GRM7: variants seen among roughly 807,000 people sequenced by gnomAD.
The protein encoded by GRM7 is glutamate metabotropic receptor 7.
Under a neutral mutation model 84.5 loss-of-function variants are expected in GRM7, and 35 were observed. The ratio of observed to expected loss-of-function variants is 0.41; its 90% CI spans 0.32 to 0.55. The LOEUF is 0.55. Among genes scored for constraint, GRM7 ranks in the 20% least tolerant of loss-of-function variants. The pLI is 0.19. For missense variants in GRM7, 1,003 were observed against 1,194.6 expected (o/e 0.84, Z 2.36); for synonymous variants, 487 against 455.1 (o/e 1.07, Z -0.89).
intron 2 of GRM7, among the ~76,000 whole-genome samples, chr3:7,228,338 T>C (rs138427154): frequency 2.4e-3 from 368 of 152,254 alleles, no homozygotes; most frequent in African/African-American, 8.1e-3. Flanking sequence ...AAGAAATAGA[T>C]ATCGATTCTC....
At position 7,122,949 on chromosome 3, in the gene GRM7, C is replaced by G. The variant is rs769160508; in HGVS notation, c.520-23503C>G. Among the ~76,000 whole-genome samples the G allele has an allele frequency of 3.5e-4, 54 of 152,260 alleles. No individual in the cohort carries two copies. The South Asian group carries it at 4.3e-3, about 12-fold the overall frequency. On this transcript the variant is annotated intron_variant, in intron 1 of 9. Coordinates refer to ENST00000357716, the MANE Select transcript of GRM7 (RefSeq NM_000844.4). ...GTGGGAACAACCTGCAGCTATAAAACAAGCATTCCTGAGAATTTTTGAAAA... is the reference window on the plus strand; with the variant it reads ...GTGGGAACAACCTGCAGCTATAAAAGAAGCATTCCTGAGAATTTTTGAAAA...
At chr3:7,738,513 T>A (rs1249240082) in intron 9 of GRM7, among the ~76,000 whole-genome samples, 1 of 152,188 alleles carries the variant, frequency 6.6e-6, no homozygotes, top group Non-Finnish European at 1.5e-5. Context: ...TCCCAGCCAA[T>A]GCTCAGCTTT....
At chr3:7,092,280 A>T (rs1359823117) in intron 1 of GRM7, among the ~76,000 whole-genome samples, 1 of 152,214 alleles carries the variant, frequency 6.6e-6, no homozygotes, top group Middle Eastern at 3.2e-3. Flanking sequence ...TCATGACAGA[A>T]CTTCTAAATA....
At chr3:7,392,780 G>T (rs1695050954) in intron 4 of GRM7, among the ~76,000 whole-genome samples, 2 of 152,320 alleles carry the variant, frequency 1.3e-5, no homozygotes, top group East Asian at 3.9e-4. Context: ...TTGGGCCTAG[G>T]ACTCAGAAAG....
intron 1 of GRM7, among the ~76,000 whole-genome samples, chr3:7,089,938 G>A (rs1015963299): frequency 1.3e-5 from 2 of 152,200 alleles, no homozygotes; most frequent in South Asian, 2.1e-4. Context: ...TACTCCCCGG[G>A]TTCAAGTGAT....
At chr3:7,546,809 C>T (rs1352829069) in intron 7 of GRM7, among the ~76,000 whole-genome samples, 1 of 151,906 alleles carries the variant, frequency 6.6e-6, no homozygotes, top group African/African-American at 2.4e-5. Context: ...TTTAATAAAT[C>T]GTGGTTCTGC....
At chr3:7,657,259 T>C (rs1699246082) in intron 8 of GRM7, among the ~76,000 whole-genome samples, 2 of 152,136 alleles carry the variant, frequency 1.3e-5, no homozygotes, top group Non-Finnish European at 2.9e-5. Flanking sequence ...GTAGAAACAG[T>C]CTAAATTGGG....
At chr3:7,165,189 C>G (rs1694759655) in intron 2 of GRM7, among the ~76,000 whole-genome samples, 1 of 152,228 alleles carries the variant, frequency 6.6e-6, no homozygotes, top group Non-Finnish European at 1.5e-5. Context: ...ATCCGCAACT[C>G]TGTTTCTGGT....
At position 6,861,485 on chromosome 3, in the gene GRM7, C is replaced by A; in HGVS notation, c.97C>A (p.Arg33Ser). ...CCTGTGCGCGCTGGCGGCGGCGGCG[C>A]GCGGCCAGGAGATGTACGCCCCGCA... ...VLLCALAAAA[R>S]GQEMYAPHSI... is the part of the protein sequence containing the mutation. The change falls in exon 1 of 10, where the codon CGC becomes AGC. Residue 33 changes from arginine to serine, a missense_variant. Arg to Ser is a moderately radical substitution (Grantham distance 110). Coordinates refer to ENST00000357716, the MANE Select transcript of GRM7 (RefSeq NM_000844.4). The surrounding 1 kb of genome is among the most constrained non-coding windows in gnomAD (Gnocchi z 6.4). The A allele has an allele frequency of 3.8e-6, 6 of 1,580,190 alleles. No homozygotes were observed. Among genetic ancestry groups the A allele is most frequent in the East Asian group, 2.3e-5 (1 of 44,212 alleles).
intron 1 of GRM7, among the ~76,000 whole-genome samples, chr3:7,115,796 A>C (rs1466352678): frequency 6.6e-6 from 1 of 152,170 alleles, no homozygotes; most frequent in African/African-American, 2.4e-5. Flanking sequence ...AAGGTTTAGT[A>C]AGAGAGAGCC....
chr3:7,540,209 C>G lies in GRM7; in HGVS notation c.1516-38213C>G, dbSNP rs545348509. On this transcript the variant is annotated intron_variant, in intron 7 of 9. Transcript: ENST00000357716. ...TGTTAAAAATGGGATAACCAGATGA[C>G]CCAGCAACTCCATTCTTAGGTATCT... is the stretch of plus-strand genomic sequence containing the variant. Among the ~76,000 whole-genome samples, 9 of 152,188 alleles carry G rather than the reference C, an allele frequency of 5.9e-5. No individual in the cohort carries two copies. The South Asian group carries it at 1.7e-3, about 28-fold the overall frequency.
At chr3:7,205,589 A>G (rs111479687) in intron 2 of GRM7, among the ~76,000 whole-genome samples, 4 of 152,330 alleles carry the variant, frequency 2.6e-5, no homozygotes, top group African/African-American at 4.8e-5. Context: ...ACTGATTTCA[A>G]TGTTTCTCTG....
chr3:6,861,272 T>G lies in GRM7; in HGVS notation c.-117T>G. The G allele has an allele frequency of 1.2e-6, 1 of 823,868 alleles. No individual in the cohort carries two copies. The highest frequency in any genetic ancestry group is 1.7e-6 in the Non-Finnish European group (1 of 588,652). The allele number at this position is 823,868 out of a possible 1,614,324, so 51.0% of individuals were successfully genotyped here. A position where few individuals can be genotyped will look rare whatever the true frequency, so the allele number is the denominator to read the frequency against. Reference sequence around the variant, plus strand: ...CCTCCCCGGATTCCCCCACCCTCCGTGCCTGCAGGAGCCCCTGGGCTTTCC... The same window carrying G: ...CCTCCCCGGATTCCCCCACCCTCCGGGCCTGCAGGAGCCCCTGGGCTTTCC... On this transcript the variant is annotated 5_prime_UTR_variant, in exon 1 of 10. Transcript: ENST00000357716. This position sits in a 1 kb window ranked among gnomAD's most constrained non-coding sequence, Gnocchi z 6.4.
intron 2 of GRM7, among the ~76,000 whole-genome samples, chr3:7,251,778 C>G (rs56113341): frequency 0.032 from 4,832 of 152,174 alleles, 243 homozygotes; most frequent in African/African-American, 0.11. Flanking sequence ...TATAGTGACT[C>G]CCCCAAAATG....
At chr3:7,434,099 TATC>T (rs1387569813) in intron 5 of GRM7, among the ~76,000 whole-genome samples, 4 of 152,236 alleles carry the variant, frequency 2.6e-5, no homozygotes, top group African/African-American at 9.6e-5. Flanking sequence ...GTAAAAATAG[TATC>T]ATCGTAATTC....
intron 7 of GRM7, among the ~76,000 whole-genome samples, chr3:7,482,273 T>C (rs1313352091): frequency 6.6e-6 from 1 of 152,200 alleles, no homozygotes; most frequent in Admixed American, 6.5e-5. Context: ...CCCTGTAAGT[T>C]TGATTACATG....
chr3:7,053,864 A>C (rs1697106479), intron 1 of GRM7, among the ~76,000 whole-genome samples: 1 of 151,206 alleles, frequency 6.6e-6, no homozygotes, highest in Non-Finnish European at 1.5e-5. Flanking sequence ...TTCCCATATA[A>C]ATTTTAAAAT....
chr3:7,217,391 A>G (rs1696650765), intron 2 of GRM7, among the ~76,000 whole-genome samples: 6 of 152,090 alleles, frequency 3.9e-5, no homozygotes, highest in Admixed American at 3.9e-4. Flanking sequence ...CCTACAACTG[A>G]TTTTCCATTC....
intron 9 of GRM7, among the ~76,000 whole-genome samples, chr3:7,684,481 T>C (rs1259698395): frequency 6.6e-6 from 1 of 152,228 alleles, no homozygotes; most frequent in Non-Finnish European, 1.5e-5. Flanking sequence ...TTTTCACTTT[T>C]AACAGCTCTG....
Sources: gnomAD v4.1 joint callset for allele counts (sites outside exome capture counted in the v4.1 genomes callset) on GRCh38, gnomAD v4.1.1 for gene constraint, Gnocchi (gnomAD v3.1) non-coding constraint, MANE v1.5 for transcripts, NCBI Gene and HGNC (gene_info 2026-07-23, HGNC 2026-07-21) for gene names.